The following C6orf62 variants were observed in gnomAD, a reference collection of about 807,000 sequenced individuals.
C6orf62 encodes the protein uncharacterized protein C6orf62.
Under a neutral mutation model 26.8 loss-of-function variants are expected in C6orf62, and 16 were observed. That is an observed-to-expected ratio of 0.60 (90% CI 0.40 to 0.91). The LOEUF is 0.91. Ranked by LOEUF, C6orf62 falls within the 40% of genes least tolerant of loss-of-function variation. The pLI, the probability that C6orf62 is intolerant of heterozygous loss-of-function variation, is 0.00. For synonymous variants in C6orf62, 112 were observed against 91.5 expected (o/e 1.22, Z -1.28); for missense variants, 192 against 271.4 (o/e 0.71, Z 2.06).
chr6:24,716,169 A>T lies in C6orf62; in HGVS notation c.285T>A (p.Pro95=). Residue 95 remains proline, a synonymous_variant, in exon 2 of 5, where the codon CCT becomes CCA. Coordinates refer to ENST00000378119, the MANE Select transcript of C6orf62 (RefSeq NM_030939.5). The stretch of plus-strand genomic sequence containing the variant: ...TTACCCTTCTCATAGACTGATATCG[A>T]GGAGCATGGAGCTGTACCACATCCT... ...LQKDVVQLHA[P]RYQSMRRDVI... is the part of the protein sequence containing the mutation. The T allele has an allele frequency of 1.9e-6, 3 of 1,614,036 alleles. No individual in the cohort carries two copies. Among genetic ancestry groups the T allele is most frequent in the Non-Finnish European group, 2.5e-6 (3 of 1,179,920 alleles).
Position 24,719,100 on chromosome 6 carries a change from C to T in C6orf62, c.-432G>A. On this transcript the variant is annotated 5_prime_UTR_variant, in exon 1 of 5. Transcript: ENST00000378119. ...CCTAAAATCCATCCGGATTTTCCCC[C>T]CTTTTTAGAAAAGGGATTAAGGAAC... The T allele has an allele frequency of 2.0e-6, 2 of 990,124 alleles. No homozygotes were observed. Among genetic ancestry groups the T allele is most frequent in the Non-Finnish European group, 2.4e-6 (2 of 833,164 alleles). The allele number at this position is 990,124 out of a possible 1,614,324, so 61.3% of individuals were successfully genotyped here.
upstream of C6orf62, chr6:24,719,886 T>A (rs1289768873): frequency 2.1e-5 from 32 of 1,491,426 alleles, no homozygotes; most frequent in Non-Finnish European, 2.9e-5. Context: ...ACAGGATCAC[T>A]CAGGTTTTCA....
intron 1 of C6orf62, 46 bp downstream of exon 1, chr6:24,718,494 T>C: frequency 6.6e-7 from 1 of 1,525,452 alleles, no homozygotes; most frequent in Non-Finnish European, 9.0e-7. Flanking sequence ...AATATACACT[T>C]ACAAAAATTA....
chr6:24,709,731 A>T, intron 3 of C6orf62: 1 of 985,466 alleles, frequency 1.0e-6, no homozygotes, highest in Non-Finnish European at 1.2e-6. Context: ...AACATGAGGA[A>T]GATCAACTCC....
At chr6:24,720,270 T>TGGC (rs1008701467), upstream of C6orf62, 31 of 1,294,558 alleles carry the variant, frequency 2.4e-5, 1 homozygote, top group Middle Eastern at 5.8e-4. Context: ...GGCGGAGCGG[T>TGGC]GGCGGCGGCG....
chr6:24,712,292 G>C (rs2127634071), intron 3 of C6orf62, among the ~76,000 whole-genome samples: 1 of 152,232 alleles, frequency 6.6e-6, no homozygotes, highest in East Asian at 1.9e-4. Context: ...TGAGGCACAA[G>C]AACGGCTCAA....
At chr6:24,719,973 A>T (rs1453850607), upstream of C6orf62, 5 of 1,546,220 alleles carry the variant, frequency 3.2e-6, no homozygotes, top group African/African-American at 6.9e-5. Context: ...CAGTGGGGGA[A>T]AAAAAGAAAA....
In C6orf62 at chr6:24,718,679, A is replaced by G. The variant is rs1370328556; in HGVS notation, c.-11T>C. 11 of 1,613,588 alleles carry G rather than the reference A, an allele frequency of 6.8e-6. No homozygotes were observed. The highest frequency in any genetic ancestry group is 8.5e-6 in the Non-Finnish European group (10 of 1,179,914). On this transcript the variant is annotated 5_prime_UTR_variant, in exon 1 of 5. Transcript: ENST00000378119. ...GTTTGGGTCCCCCATTTTGAAATAC[A>G]GGTGGTACTAAAGCCTTTGGAAATT... is the stretch of plus-strand genomic sequence containing the variant.
At chr6:24,715,390 T>C (rs927545224) in intron 2 of C6orf62, among the ~76,000 whole-genome samples, 1 of 152,094 alleles carries the variant, frequency 6.6e-6, no homozygotes, top group South Asian at 2.1e-4. Context: ...AAAAAGGAAA[T>C]ACAATAAACG....
chr6:24,706,157 G>C lies in C6orf62; in HGVS notation c.670C>G (p.Arg224Gly), dbSNP rs374287394. The part of the protein sequence containing the change: ...WAVGTIEDHL[R>G]PYMPE ...GTACTCTACTCTGGCATATAAGGAC[G>C]GAGGTGATCCTCTATGGTGCCAACT... The change falls in exon 5 of 5, where the codon CGT (arginine) becomes GGT (glycine). Residue 224 changes from arginine to glycine, a missense_variant. Transcript: ENST00000378119. 2 of 1,614,194 alleles carry C rather than the reference G, an allele frequency of 1.2e-6. No individual in the cohort carries two copies. Among genetic ancestry groups the C allele is most frequent in the Non-Finnish European group, 1.7e-6 (2 of 1,180,032 alleles).
At chr6:24,710,575 C>A (rs1360692723) in intron 3 of C6orf62, 40 of 982,288 alleles carry the variant, frequency 4.1e-5, no homozygotes, top group Non-Finnish European at 4.7e-5. Context: ...AAATTGGGTT[C>A]TTATCATCAA....
chr6:24,714,234 C>T (rs1779179277), intron 3 of C6orf62, 84 bp downstream of exon 3: 1 of 1,067,114 alleles, frequency 9.4e-7, no homozygotes, highest in Non-Finnish European at 1.3e-6. Flanking sequence ...AACCATTTTC[C>T]CAAAGAATTT....
At chr6:24,719,361 A>G, upstream of C6orf62, 1 of 1,004,242 alleles carries the variant, frequency 1.0e-6, no homozygotes, top group African/African-American at 1.7e-5. Flanking sequence ...GAGCATAGAG[A>G]AAAGTGCAAA....
intron 2 of C6orf62, among the ~76,000 whole-genome samples, 166 bp from the exon 3 acceptor site, chr6:24,714,606 T>C (rs988174325): frequency 6.6e-6 from 1 of 150,540 alleles, no homozygotes; most frequent in East Asian, 1.9e-4. Flanking sequence ...ATAATCTGAA[T>C]AGCTCATGAT....
upstream of C6orf62, chr6:24,719,190 AACCAAAACCAAAC>A: frequency 1.0e-6 from 1 of 987,386 alleles, no homozygotes; most frequent in Non-Finnish European, 1.2e-6. Context: ...CCAAAACCAA[AACCAAAACCAAAC>A]ACCAAAACAG....
chr6:24,718,044 T>A (rs1779268811), intron 1 of C6orf62, among the ~76,000 whole-genome samples: 1 of 152,178 alleles, frequency 6.6e-6, no homozygotes, highest in African/African-American at 2.4e-5. Flanking sequence ...AAACACAAAT[T>A]AACCATTTCA....
In C6orf62 at chr6:24,718,547, T is replaced by G; in HGVS notation, c.122A>C (p.Lys41Thr). The G allele has an allele frequency of 6.2e-7, 1 of 1,606,558 alleles. No individual in the cohort carries two copies. Among genetic ancestry groups the G allele is most frequent in the Non-Finnish European group, 8.5e-7 (1 of 1,175,932 alleles). ...TTAAGAACTTTAAATTACCTTCTCC[T>G]TGAATACAAAGGCAATATACATCTT... is the stretch of plus-strand genomic sequence containing the variant. The part of the protein sequence containing the change: ...DFKMYIAFVF[K>T]EKKKKSALFE... The change falls in exon 1 of 5, where the codon AAG (lysine) becomes ACG (threonine). Residue 41 changes from lysine to threonine, a missense_variant. Lys to Thr is a moderately conservative substitution (Grantham distance 78). Transcript: ENST00000378119.
intron 4 of C6orf62, 84 bp from the exon 5 acceptor site, chr6:24,706,346 T>C: frequency 6.5e-7 from 1 of 1,535,432 alleles, no homozygotes. Flanking sequence ...CACAATTTAT[T>C]AAACATCTTA....
chr6:24,720,675 G>A (rs911600842), upstream of C6orf62: 2 of 152,660 alleles, frequency 1.3e-5, no homozygotes, highest in Non-Finnish European at 2.9e-5. Flanking sequence ...CCCTACAGTC[G>A]GATTCCGGCT....
Sources: allele counts gnomAD v4.1 joint callset (sites outside exome capture counted in the v4.1 genomes callset), GRCh38; gene constraint gnomAD v4.1.1; transcripts MANE v1.5; gene names NCBI Gene and HGNC (gene_info 2026-07-23, HGNC 2026-07-21).